KRABD5: variants seen among roughly 807,000 people sequenced by gnomAD.
KRABD5 encodes KRAB domain-containing protein 5.
chr16:31,742,137 T>C, the KRABD5 span, among the ~76,000 whole-genome samples: 1 of 151,926 alleles, frequency 6.6e-6, no homozygotes, highest in African/African-American at 2.4e-5. Flanking sequence ...TCTATTCTGT[T>C]CCATCGGTCT....
At chr16:31,754,037 A>C in the KRABD5 span, 2 of 1,077,114 alleles carry the variant, frequency 1.9e-6, no homozygotes, top group Non-Finnish European at 2.8e-6. Flanking sequence ...TTTCTAAACC[A>C]TGTGTTTCTG....
chr16:31,753,361 C>G, the KRABD5 span, among the ~76,000 whole-genome samples: 4 of 152,152 alleles, frequency 2.6e-5, no homozygotes, highest in African/African-American at 9.7e-5. Context: ...TCTTCAGCAC[C>G]ACATATTAAA....
chr16:31,755,371 A>T, the KRABD5 span: 2 of 504,874 alleles, frequency 4.0e-6, no homozygotes, highest in Non-Finnish European at 8.1e-6. Context: ...TTCATACCGG[A>T]GAGAAACCCT....
chr16:31,739,128 C>T, the KRABD5 span, among the ~76,000 whole-genome samples: 1 of 152,166 alleles, frequency 6.6e-6, no homozygotes, highest in African/African-American at 2.4e-5. Context: ...TATATAATTA[C>T]TGTTACCAGA....
chr16:31,747,456 G>T, the KRABD5 span, among the ~76,000 whole-genome samples: 1 of 152,158 alleles, frequency 6.6e-6, no homozygotes, highest in Non-Finnish European at 1.5e-5. Flanking sequence ...ACATACATGT[G>T]CATGTGTCTT....
At chr16:31,739,081 A>G in the KRABD5 span, among the ~76,000 whole-genome samples, 1 of 152,210 alleles carries the variant, frequency 6.6e-6, no homozygotes, top group Non-Finnish European at 1.5e-5. Context: ...AAAGTATTCT[A>G]TGCACCATCA....
the KRABD5 span, among the ~76,000 whole-genome samples, chr16:31,726,758 A>C: frequency 1.3e-5 from 2 of 152,172 alleles, no homozygotes; most frequent in South Asian, 4.1e-4. Context: ...ACTCTGCCTC[A>C]AAAAATATAT....
At chr16:31,754,582 CACCA>C in the KRABD5 span, 2 of 497,878 alleles carry the variant, frequency 4.0e-6, no homozygotes, top group South Asian at 1.5e-5. Context: ...TTCATGAATG[CACCA>C]ACCATGTCCA....
chr16:31,745,612 G>A, the KRABD5 span, among the ~76,000 whole-genome samples: 1 of 152,162 alleles, frequency 6.6e-6, no homozygotes, highest in Non-Finnish European at 1.5e-5. Context: ...TTGGAATGGA[G>A]AGTTCTGTAG....
At chr16:31,718,577 A>T in the KRABD5 span, among the ~76,000 whole-genome samples, 3 of 152,150 alleles carry the variant, frequency 2.0e-5, no homozygotes, top group Non-Finnish European at 4.4e-5. Flanking sequence ...CAGGGCCACA[A>T]CTGTCCAGAG....
At chr16:31,716,233 T>TCATAGTCTCATCTG in the KRABD5 span, among the ~76,000 whole-genome samples, 52 of 152,262 alleles carry the variant, frequency 3.4e-4, no homozygotes, top group Non-Finnish European at 6.5e-4. Context: ...GACCACCCAG[T>TCATAGTCTCATCTG]CATAGTCTCA....
the KRABD5 span, among the ~76,000 whole-genome samples, chr16:31,747,777 A>G: frequency 1.3e-5 from 2 of 152,220 alleles, no homozygotes; most frequent in Non-Finnish European, 2.9e-5. Context: ...TTTTGGCTGC[A>G]TAAATGTCTT....
At chr16:31,721,542 G>T in the KRABD5 span, among the ~76,000 whole-genome samples, 1 of 151,260 alleles carries the variant, frequency 6.6e-6, no homozygotes, top group Non-Finnish European at 1.5e-5. Context: ...TTTTTTTCAG[G>T]CTTGAGACAG....
chr16:31,742,145 T>A, the KRABD5 span, among the ~76,000 whole-genome samples: 1 of 151,384 alleles, frequency 6.6e-6, no homozygotes, highest in African/African-American at 2.4e-5. Flanking sequence ...GTTCCATCGG[T>A]CTGTGTGTCC....
chr16:31,732,879 G>A, the KRABD5 span, among the ~76,000 whole-genome samples: 3 of 152,036 alleles, frequency 2.0e-5, no homozygotes, highest in African/African-American at 4.8e-5. Flanking sequence ...TTCTTCATGG[G>A]TGTACACAGT....
chr16:31,748,649 G>T, the KRABD5 span, among the ~76,000 whole-genome samples: 1 of 152,176 alleles, frequency 6.6e-6, no homozygotes, highest in Admixed American at 6.5e-5. Context: ...GAGAGATCTT[G>T]CAATCATTTG....
At chr16:31,726,592 C>CT in the KRABD5 span, among the ~76,000 whole-genome samples, 1 of 152,062 alleles carries the variant, frequency 6.6e-6, no homozygotes, top group Admixed American at 6.5e-5. Flanking sequence ...AAAACCCCGT[C>CT]TCTACTAAAA....
the KRABD5 span, among the ~76,000 whole-genome samples, chr16:31,721,593 G>T: frequency 2.6e-5 from 4 of 151,926 alleles, no homozygotes; most frequent in Non-Finnish European, 4.4e-5. Context: ...TAAAGAGGAA[G>T]AATAGTATTA....
the KRABD5 span, among the ~76,000 whole-genome samples, chr16:31,749,718 C>G: frequency 6.6e-6 from 1 of 152,160 alleles, no homozygotes; most frequent in African/African-American, 2.4e-5. Flanking sequence ...GTGTGGCTCT[C>G]AAAGCCACAC....
Sources: allele counts gnomAD v4.1 joint callset (sites outside exome capture counted in the v4.1 genomes callset), GRCh38; gene constraint gnomAD v4.1.1; transcripts MANE v1.5; gene names NCBI Gene and HGNC (gene_info 2026-07-23, HGNC 2026-07-21).